CNTD1: variants seen among roughly 807,000 people sequenced by gnomAD.
CNTD1 encodes cyclin N-terminal domain containing 1, also known as cyclin N-terminal domain-containing protein 1.
A neutral mutation model predicts 36.3 loss-of-function variants in CNTD1; 17 were observed. The observed-to-expected ratio is 0.47, with a 90% CI of 0.32 to 0.70. The LOEUF (loss-of-function observed/expected upper bound fraction) is 0.70. Among genes scored for constraint, CNTD1 ranks in the 30% least tolerant of loss-of-function variants. The pLI is 0.03. For synonymous variants in CNTD1, 128 were observed against 153.3 expected, an observed-to-expected ratio of 0.83 and a Z score of 1.22; for missense variants, 338 against 386.1, an observed-to-expected ratio of 0.88 and a Z score of 1.04.
chr17:42,802,158 G>A (rs1354810303), intron 1 of CNTD1, among the ~76,000 whole-genome samples: 1 of 152,094 alleles, frequency 6.6e-6, no homozygotes, highest in African/African-American at 2.4e-5. Flanking sequence ...CTTGAGCCCA[G>A]GAGTTTGAGA....
intron 6 of CNTD1, 86 bp downstream of exon 6, chr17:42,807,950 A>T: frequency 9.5e-7 from 1 of 1,056,812 alleles, no homozygotes; most frequent in Non-Finnish European, 1.4e-6. Flanking sequence ...AACAGAGGAC[A>T]ACCTACAGAA....
chr17:42,806,557 T>C, intron 4 of CNTD1, 117 bp from the exon 5 acceptor site: 3 of 1,044,874 alleles, frequency 2.9e-6, no homozygotes, highest in Non-Finnish European at 1.4e-6. Flanking sequence ...TTTCTTGTAG[T>C]AGAACATAGC....
At chr17:42,804,730 C>G (rs2054850235) in intron 3 of CNTD1, among the ~76,000 whole-genome samples, 1 of 152,030 alleles carries the variant, frequency 6.6e-6, no homozygotes, top group South Asian at 2.1e-4. Context: ...ATTGCTTGAA[C>G]CTGGGAGGCG....
intron 1 of CNTD1, 45 bp downstream of exon 1, chr17:42,799,281 CT>C: frequency 6.4e-7 from 1 of 1,567,844 alleles, no homozygotes. Flanking sequence ...GAGACTGGGG[CT>C]TGTGTCTTTC....
intron 3 of CNTD1, 32 bp from the exon 4 acceptor site, chr17:42,805,690 C>A: frequency 6.3e-7 from 1 of 1,591,102 alleles, no homozygotes; most frequent in Non-Finnish European, 8.6e-7. Context: ...TTTATCCTAA[C>A]ATTCTTCTTT....
Position 42,811,140 on chromosome 17 carries a change from C to T in CNTD1, c.*1605C>T. 1 of 446,356 alleles carries T rather than the reference C, an allele frequency of 2.2e-6. No homozygotes were observed. Among genetic ancestry groups the T allele is most frequent in the East Asian group, 3.5e-5 (1 of 28,554 alleles). 27.6% of individuals were successfully genotyped at this position (446,356 alleles called of 1,614,324 possible). A position where few individuals can be genotyped will look rare whatever the true frequency, so the allele number is the denominator to read the frequency against. On this transcript the variant is annotated 3_prime_UTR_variant, in exon 7 of 7. Transcript: ENST00000588408. ...GTCATTGCAGAGTACAGGGACAGGA[C>T]ACACACCCAAAGAGAAGAGAAGCCT... is the stretch of plus-strand genomic sequence containing the variant.
intron 6 of CNTD1, among the ~76,000 whole-genome samples, chr17:42,808,922 G>A (rs1044558228): frequency 1.3e-5 from 2 of 151,896 alleles, no homozygotes; most frequent in Non-Finnish European, 2.9e-5. Flanking sequence ...AGTGGCTTGC[G>A]CCTGTAGTCC....
chr17:42,800,958 G>A (rs575276653), intron 1 of CNTD1, among the ~76,000 whole-genome samples: 30 of 152,268 alleles, frequency 2.0e-4, no homozygotes, highest in Admixed American at 7.2e-4. Flanking sequence ...AGGCTGAGGC[G>A]GGTGGATCAC....
chr17:42,805,389 G>A lies in CNTD1; in HGVS notation c.418-333G>A, dbSNP rs117329266. ...ATAAATGTACCTCATCAGCCTTGGA[G>A]AGTCAAGGAAGTGTATTTAGAGAAA... On this transcript the variant is annotated intron_variant, in intron 3 of 6. Transcript: ENST00000588408. 4.8e-3 allele frequency: 987 copies of A among 204,286 alleles called. 6 individuals are homozygous for A. Among genetic ancestry groups the A allele is most frequent in the Admixed American group, 8.6e-3 (162 of 18,878 alleles). The allele number at this position is 204,286 out of a possible 1,614,324, so 12.7% of individuals were successfully genotyped here.
chr17:42,808,274 C>T (rs574499862), intron 6 of CNTD1, among the ~76,000 whole-genome samples: 15 of 152,076 alleles, frequency 9.9e-5, no homozygotes, highest in Admixed American at 6.5e-4. Flanking sequence ...CATGGCTGGG[C>T]GCAGTGGCTC....
Position 42,810,883 on chromosome 17 carries a change from G to A in CNTD1, c.*1348G>A, listed in dbSNP as rs763871495. 1.6e-5 allele frequency: 25 copies of A among 1,612,280 alleles called. No individual in the cohort carries two copies. The highest frequency in any genetic ancestry group is 2.7e-5 in the African/African-American group (2 of 74,804). On this transcript the variant is annotated 3_prime_UTR_variant, in exon 7 of 7. Transcript: ENST00000588408. ...ACTGGGTTTTGATGGAATAGGAGCC[G>A]CCACTGCCTCCTGTGTCTTCAATCT...
intron 1 of CNTD1, among the ~76,000 whole-genome samples, chr17:42,801,975 A>C (rs951421208): frequency 6.6e-6 from 1 of 152,202 alleles, no homozygotes; most frequent in Non-Finnish European, 1.5e-5. Context: ...GCAAAAAGCC[A>C]TGATATTTAA....
rs1329610026 is a variant in CNTD1 at position 42,810,977 on chromosome 17, G to A, written c.*1442G>A. Reference sequence around the variant, plus strand: ...CATTAGTAACTGAGATCTGAGTTAAGTAAGTTCGGGGCAGGGACTTGATCA... The same window carrying A: ...CATTAGTAACTGAGATCTGAGTTAAATAAGTTCGGGGCAGGGACTTGATCA... On this transcript the variant is annotated 3_prime_UTR_variant, in exon 7 of 7. Coordinates refer to ENST00000588408, the MANE Select transcript of CNTD1 (RefSeq NM_173478.3). 2 of 1,499,360 alleles carry A rather than the reference G, an allele frequency of 1.3e-6. No homozygotes were observed. The highest frequency in any genetic ancestry group is 1.8e-6 in the Non-Finnish European group (2 of 1,119,278). The allele number at this position is 1,499,360 out of a possible 1,614,324, so 92.9% of individuals were successfully genotyped here.
At chr17:42,798,792 A>G (rs1732969681), upstream of CNTD1, 1 of 1,461,812 alleles carries the variant, frequency 6.8e-7, no homozygotes, top group African/African-American at 1.4e-5. Context: ...TTTGCGGGGC[A>G]GAGCCGCGGT....
Position 42,810,804 on chromosome 17 carries a change from T to C in CNTD1, c.*1269T>C, listed in dbSNP as rs2054981623. ...GAGGACACCCAAGCAAGACCCCACT[T>C]AAGATTCGTCAGCATGAACTTGAGA... On this transcript the variant is annotated 3_prime_UTR_variant, in exon 7 of 7. Transcript: ENST00000588408. The C allele has an allele frequency of 6.2e-7, 1 of 1,613,636 alleles. No homozygotes were observed. Among genetic ancestry groups the C allele is most frequent in the Admixed American group, 1.7e-5 (1 of 59,942 alleles).
At chr17:42,798,842 A>G, upstream of CNTD1, 1 of 1,441,486 alleles carries the variant, frequency 6.9e-7, no homozygotes, top group Non-Finnish European at 9.1e-7. Flanking sequence ...TGAGAAGCGG[A>G]CGTGCTTTCT....
chr17:42,806,717 C>CTGCCTGA lies in CNTD1; in HGVS notation c.625_631dup (p.Thr211MetfsTer13). Reference sequence around the variant, plus strand: ...TTCCAGCCATGAGGCTGCATGCAACCTGCCTGACACTGCTCGACCTGGTCT... The same window carrying CTGCCTGA: ...TTCCAGCCATGAGGCTGCATGCAACCTGCCTGATGCCTGACACTGCTCGACCTGGTCT... On this transcript the variant is annotated frameshift_variant, in exon 5 of 7. Coordinates refer to ENST00000588408, the MANE Select transcript of CNTD1 (RefSeq NM_173478.3). LOFTEE classifies it high-confidence loss of function. 6.2e-7 allele frequency: 1 copy of CTGCCTGA among 1,614,120 alleles called. No individual in the cohort carries two copies. Among genetic ancestry groups the CTGCCTGA allele is most frequent in the Non-Finnish European group, 8.5e-7 (1 of 1,179,988 alleles).
At position 42,811,029 on chromosome 17, in the gene CNTD1, T is replaced by C. The variant is rs2054990324; in HGVS notation, c.*1494T>C. 1 of 1,219,318 alleles carries C rather than the reference T, an allele frequency of 8.2e-7. No homozygotes were observed. Among genetic ancestry groups the C allele is most frequent in the African/African-American group, 1.5e-5 (1 of 65,802 alleles). The allele number at this position is 1,219,318 out of a possible 1,614,324, so 75.5% of individuals were successfully genotyped here. A position where few individuals can be genotyped will look rare whatever the true frequency, so the allele number is the denominator to read the frequency against. Reference sequence around the variant, plus strand: ...GGGACCATTCACGTCATTTTATCTATTAAAGAACACTTGGTGAGGAATGAT... The same window carrying C: ...GGGACCATTCACGTCATTTTATCTACTAAAGAACACTTGGTGAGGAATGAT... On this transcript the variant is annotated 3_prime_UTR_variant, in exon 7 of 7. Coordinates refer to ENST00000588408, the MANE Select transcript of CNTD1 (RefSeq NM_173478.3).
chr17:42,804,028 G>C (rs915354974), intron 2 of CNTD1, among the ~76,000 whole-genome samples, 197 bp from the exon 3 acceptor site: 1 of 151,516 alleles, frequency 6.6e-6, no homozygotes, highest in South Asian at 2.1e-4. Context: ...TTTTAGAGAT[G>C]GGCTTTTGCC....
Sources: gnomAD v4.1 joint callset for allele counts (sites outside exome capture counted in the v4.1 genomes callset) on GRCh38, gnomAD v4.1.1 for gene constraint, MANE v1.5 for transcripts, NCBI Gene and HGNC (gene_info 2026-07-23, HGNC 2026-07-21) for gene names.